CNTNAP5: variants seen among roughly 807,000 people sequenced by gnomAD.
CNTNAP5 encodes contactin associated protein family member 5.
CNTNAP5 carries 72 observed loss-of-function variants against 150.2 expected under a neutral mutation model. The observed-to-expected ratio is 0.48, with a 90% confidence interval of 0.40 to 0.58. The LOEUF (loss-of-function observed/expected upper bound fraction) is 0.58, where lower values mean the gene tolerates loss of function less well. Ranked by LOEUF, CNTNAP5 falls within the 20% of genes least tolerant of loss-of-function variation. The probability of loss-of-function intolerance (pLI) is 0.00; values close to 1 mark genes in which losing one functional copy is unlikely to be tolerated. For synonymous variants in CNTNAP5, 672 were observed against 619.8 expected (o/e 1.08, Z -1.25); for missense variants, 1,636 against 1,626.2 (o/e 1.01, Z -0.10).
chr2:124,184,633 T>G (rs929661857), intron 1 of CNTNAP5, among the ~76,000 whole-genome samples: 1 of 152,208 alleles, frequency 6.6e-6, no homozygotes. Flanking sequence ...GACAACCTAT[T>G]AAAATCTGCA....
At chr2:124,714,706 C>T (rs1230167516) in intron 13 of CNTNAP5, among the ~76,000 whole-genome samples, 2 of 151,178 alleles carry the variant, frequency 1.3e-5, no homozygotes, top group East Asian at 3.9e-4. Flanking sequence ...GTACTTTATA[C>T]TATATATTGT....
intron 10 of CNTNAP5, among the ~76,000 whole-genome samples, chr2:124,548,534 A>G (rs1695563810): frequency 6.6e-6 from 1 of 152,238 alleles, no homozygotes; most frequent in Non-Finnish European, 1.5e-5. Context: ...GTGGTTGGCA[A>G]CAGAGAATGG....
intron 1 of CNTNAP5, among the ~76,000 whole-genome samples, chr2:124,073,745 T>A (rs13392619): frequency 0.12 from 18,266 of 152,074 alleles, 1,157 homozygotes; most frequent in South Asian, 0.23. Context: ...CATGGAAATG[T>A]TAATTAGTAC....
At chr2:124,196,473 G>T (rs1685589919) in intron 1 of CNTNAP5, among the ~76,000 whole-genome samples, 1 of 152,210 alleles carries the variant, frequency 6.6e-6, no homozygotes, top group Non-Finnish European at 1.5e-5. Flanking sequence ...GGTATAGTTT[G>T]TACGATTAGC....
chr2:124,046,507 C>A (rs187682688), intron 1 of CNTNAP5, among the ~76,000 whole-genome samples: 33 of 150,492 alleles, frequency 2.2e-4, no homozygotes, highest in Non-Finnish European at 3.8e-4. Flanking sequence ...CACCTGACAA[C>A]AGCCGCCTCC....
intron 2 of CNTNAP5, among the ~76,000 whole-genome samples, chr2:124,233,702 T>TTC (rs756850720): frequency 6.6e-6 from 1 of 151,370 alleles, no homozygotes; most frequent in Non-Finnish European, 1.5e-5. Flanking sequence ...TTTCTCTCCT[T>TTC]TCTCTCTCTC....
chr2:124,583,725 T>C (rs1244973877), intron 11 of CNTNAP5, among the ~76,000 whole-genome samples: 1 of 152,188 alleles, frequency 6.6e-6, no homozygotes. Flanking sequence ...CATCCACTGT[T>C]GCTGGCTTTT....
chr2:124,160,264 T>C (rs1684644160), intron 1 of CNTNAP5, among the ~76,000 whole-genome samples: 1 of 152,194 alleles, frequency 6.6e-6, no homozygotes, highest in Non-Finnish European at 1.5e-5. Context: ...AAAGAGAATA[T>C]TATTTCACTC....
chr2:124,204,907 G>T (rs1006632100), intron 1 of CNTNAP5, among the ~76,000 whole-genome samples: 4 of 152,116 alleles, frequency 2.6e-5, no homozygotes, highest in Non-Finnish European at 4.4e-5. Context: ...AAGGTCTATA[G>T]CCCCATTTTC....
At chr2:124,644,077 T>G (rs776456199) in intron 12 of CNTNAP5, among the ~76,000 whole-genome samples, 39 of 152,238 alleles carry the variant, frequency 2.6e-4, no homozygotes, top group Admixed American at 1.3e-4. Flanking sequence ...ACATTTAAGT[T>G]TGTGGGTCCA....
intron 11 of CNTNAP5, among the ~76,000 whole-genome samples, chr2:124,603,790 T>C (rs1397720305): frequency 1.3e-5 from 2 of 152,134 alleles, no homozygotes; most frequent in East Asian, 3.9e-4. Context: ...AATACATACA[T>C]ACATATATAC....
chr2:124,346,065 T>C (rs947740716), intron 3 of CNTNAP5, among the ~76,000 whole-genome samples: 1 of 152,160 alleles, frequency 6.6e-6, no homozygotes, highest in Admixed American at 6.5e-5. Context: ...AATAAAGTGT[T>C]GAAGTTTGTG....
intron 5 of CNTNAP5, among the ~76,000 whole-genome samples, chr2:124,435,602 G>A (rs1692511818): frequency 6.6e-6 from 1 of 152,092 alleles, no homozygotes. Flanking sequence ...GAGGAAAATA[G>A]TTATCTTTTT....
intron 1 of CNTNAP5, among the ~76,000 whole-genome samples, chr2:124,113,506 A>ATGAG (rs1683351181): frequency 7.0e-6 from 1 of 142,794 alleles, no homozygotes. Context: ...ATACATATAT[A>ATGAG]TGTGTGTGTG....
intron 2 of CNTNAP5, among the ~76,000 whole-genome samples, chr2:124,230,959 G>A (rs1686602218): frequency 6.6e-6 from 1 of 152,020 alleles, no homozygotes; most frequent in African/African-American, 2.4e-5. Context: ...GCTGTCCCAG[G>A]CATGGTAAGC....
chr2:124,126,016 G>A (rs963626872), intron 1 of CNTNAP5, among the ~76,000 whole-genome samples: 1 of 152,124 alleles, frequency 6.6e-6, no homozygotes, highest in African/African-American at 2.4e-5. Flanking sequence ...GCAGAAGCAA[G>A]AGCAAACACA....
At chr2:124,234,835 A>T (rs1686709156) in intron 2 of CNTNAP5, among the ~76,000 whole-genome samples, 1 of 152,188 alleles carries the variant, frequency 6.6e-6, no homozygotes, top group South Asian at 2.1e-4. Flanking sequence ...GCGTCTTTCA[A>T]AATAATAACA....
intron 11 of CNTNAP5, among the ~76,000 whole-genome samples, chr2:124,583,990 C>T (rs1573475070): frequency 6.6e-6 from 1 of 152,198 alleles, no homozygotes; most frequent in Non-Finnish European, 1.5e-5. Flanking sequence ...CTCCTCACAT[C>T]CACCTTCTCC....
chr2:124,352,195 T>A (rs1689888012), intron 3 of CNTNAP5, among the ~76,000 whole-genome samples: 1 of 152,124 alleles, frequency 6.6e-6, no homozygotes, highest in African/African-American at 2.4e-5. Context: ...AAACATTATT[T>A]GGAAGATTCG....
Sources: allele counts gnomAD v4.1 joint callset (sites outside exome capture counted in the v4.1 genomes callset), GRCh38; gene constraint gnomAD v4.1.1; transcripts MANE v1.5; gene names NCBI Gene and HGNC (gene_info 2026-07-23, HGNC 2026-07-21).